The following SPON1 variants were observed in gnomAD, a reference collection of about 807,000 sequenced individuals.
SPON1 encodes spondin 1, also known as spondin-1.
A neutral mutation model predicts 111.7 loss-of-function variants in SPON1; 52 were observed. That is an observed-to-expected ratio of 0.47 (90% CI 0.37 to 0.59). SPON1 has a LOEUF of 0.59. SPON1 is among the 20% of genes least tolerant of loss of function. The pLI, the probability that SPON1 is intolerant of heterozygous loss-of-function variation, is 0.00. For synonymous variants in SPON1, 410 were observed against 395.8 expected (o/e 1.04, Z -0.43); for missense variants, 957 against 1,068.5 (o/e 0.90, Z 1.46).
At chr11:14,116,921 G>A (rs1554926038) in intron 5 of SPON1, among the ~76,000 whole-genome samples, 1 of 151,948 alleles carries the variant, frequency 6.6e-6, no homozygotes, top group East Asian at 1.9e-4. Context: ...AAGAAGTCTT[G>A]TTCACTTTTT....
chr11:14,185,962 TGAG>T (rs1191396694), intron 6 of SPON1, among the ~76,000 whole-genome samples: 1 of 152,246 alleles, frequency 6.6e-6, no homozygotes, highest in African/African-American at 2.4e-5. Flanking sequence ...ATTATTGAGC[TGAG>T]GAGTACATCT....
intron 2 of SPON1, among the ~76,000 whole-genome samples, chr11:14,038,527 TAAA>T: frequency 6.6e-6 from 1 of 151,630 alleles, no homozygotes; most frequent in South Asian, 2.1e-4. Context: ...ACAACCCAAA[TAAA>T]AAATGGTAAA....
At chr11:14,072,199 G>A (rs1408682916) in intron 3 of SPON1, among the ~76,000 whole-genome samples, 1 of 151,950 alleles carries the variant, frequency 6.6e-6, no homozygotes, top group African/African-American at 2.4e-5. Flanking sequence ...TATATTAAGT[G>A]CCTCCTTAGT....
At chr11:14,009,204 CATA>C (rs1848386666) in intron 2 of SPON1, among the ~76,000 whole-genome samples, 1 of 152,184 alleles carries the variant, frequency 6.6e-6, no homozygotes, top group Non-Finnish European at 1.5e-5. Flanking sequence ...AAGGTATTCA[CATA>C]ATTTATCACT....
chr11:14,196,975 G>A lies in SPON1; in HGVS notation c.826-46357G>A, dbSNP rs531936109. Among the ~76,000 whole-genome samples the A allele has an allele frequency of 7.9e-5, 12 of 152,262 alleles. No individual in the cohort carries two copies. The East Asian group carries it at 9.7e-4, about 12-fold the overall frequency. On this transcript the variant is annotated intron_variant, in intron 6 of 15. Coordinates refer to ENST00000576479, the MANE Select transcript of SPON1 (RefSeq NM_006108.4). ...TGAGGCAGGAGAATCTCTTGAACCC[G>A]GGAGGCTGGGGTTGCAGTGAACAGA...
chr11:14,048,860 CACTT>C (rs1848688261), intron 3 of SPON1, among the ~76,000 whole-genome samples: 1 of 152,196 alleles, frequency 6.6e-6, no homozygotes, highest in Non-Finnish European at 1.5e-5. Context: ...AGATTTCCAA[CACTT>C]ACTTGTCCCT....
intron 5 of SPON1, among the ~76,000 whole-genome samples, chr11:14,114,161 AT>A (rs1258172307): frequency 4.6e-5 from 7 of 152,070 alleles, no homozygotes; most frequent in East Asian, 1.9e-4. Flanking sequence ...ATTCTTTCTA[AT>A]TTTTTTGTAC....
chr11:14,142,927 A>C (rs1464107161), intron 6 of SPON1, among the ~76,000 whole-genome samples: 2 of 152,166 alleles, frequency 1.3e-5, no homozygotes, highest in Admixed American at 6.5e-5. Flanking sequence ...TCCCTCCTCC[A>C]CACTGCCCCC....
chr11:14,040,659 T>G (rs1298099552), intron 2 of SPON1, among the ~76,000 whole-genome samples: 5 of 152,146 alleles, frequency 3.3e-5, no homozygotes, highest in African/African-American at 1.2e-4. Flanking sequence ...TTTAATAAGA[T>G]TGTGTTTTGA....
chr11:14,138,448 A>G (rs1554928391), intron 6 of SPON1, among the ~76,000 whole-genome samples: 2 of 152,176 alleles, frequency 1.3e-5, no homozygotes, highest in Admixed American at 6.5e-5. Flanking sequence ...GAAAAATTAC[A>G]GCAGAATTAT....
At chr11:14,186,091 A>G (rs905217881) in intron 6 of SPON1, among the ~76,000 whole-genome samples, 11 of 152,216 alleles carry the variant, frequency 7.2e-5, no homozygotes, top group Admixed American at 3.3e-4. Context: ...TTTCTGAAGG[A>G]GTTCTTCCCC....
intron 2 of SPON1, 77 bp downstream of exon 2, chr11:13,983,030 G>T (rs1229570725): frequency 9.9e-7 from 1 of 1,010,714 alleles, no homozygotes; most frequent in Non-Finnish European, 1.5e-6. Context: ...AAGTGTCTCA[G>T]GTGGCTTCCC....
intron 2 of SPON1, among the ~76,000 whole-genome samples, chr11:14,008,710 ACT>A: frequency 6.6e-6 from 1 of 151,550 alleles, no homozygotes; most frequent in Non-Finnish European, 1.5e-5. Flanking sequence ...TCTGGATACC[ACT>A]CTCTCCTGCT....
chr11:14,092,167 C>T (rs1226948492), intron 5 of SPON1, among the ~76,000 whole-genome samples: 1 of 152,196 alleles, frequency 6.6e-6, no homozygotes, highest in Non-Finnish European at 1.5e-5. Context: ...TTAAGTGAAA[C>T]GGACCCCTTT....
intron 1 of SPON1, among the ~76,000 whole-genome samples, chr11:13,974,313 G>C (rs1319274367): frequency 6.6e-6 from 1 of 152,182 alleles, no homozygotes; most frequent in East Asian, 1.9e-4. Flanking sequence ...CACATAGCAG[G>C]TGGATGGCAG....
chr11:14,181,063 G>A (rs1431550917), intron 6 of SPON1, among the ~76,000 whole-genome samples: 3 of 152,130 alleles, frequency 2.0e-5, no homozygotes, highest in Non-Finnish European at 4.4e-5. Context: ...TCCCTCAAGT[G>A]GCCATCAGCC....
chr11:14,006,749 C>T (rs1329703544), intron 2 of SPON1, among the ~76,000 whole-genome samples: 1 of 152,138 alleles, frequency 6.6e-6, no homozygotes. Context: ...AAAACTCCAG[C>T]CCTGAATGAA....
At chr11:13,967,682 A>G (rs1191291747) in intron 1 of SPON1, among the ~76,000 whole-genome samples, 1 of 152,226 alleles carries the variant, frequency 6.6e-6, no homozygotes, top group Non-Finnish European at 1.5e-5. Context: ...TCTTTTAAAT[A>G]AACTATTTCC....
intron 5 of SPON1, among the ~76,000 whole-genome samples, chr11:14,133,512 G>A (rs143369110): frequency 3.3e-5 from 5 of 152,330 alleles, no homozygotes; most frequent in African/African-American, 1.2e-4. Context: ...CAAGAGGAGA[G>A]TACAGAGCAA....
Sources: allele counts gnomAD v4.1 joint callset (sites outside exome capture counted in the v4.1 genomes callset), GRCh38; gene constraint gnomAD v4.1.1; transcripts MANE v1.5; gene names NCBI Gene and HGNC (gene_info 2026-07-23, HGNC 2026-07-21).